The following GPC6 variants were observed in gnomAD, a reference collection of about 807,000 sequenced individuals.
The protein encoded by GPC6 is glypican-6.
GPC6 carries 14 observed loss-of-function variants against 55.2 expected under a neutral mutation model. The observed-to-expected ratio is 0.25, with a 90% CI of 0.17 to 0.40. The LOEUF (loss-of-function observed/expected upper bound fraction) is 0.40, where lower values mean the gene tolerates loss of function less well. Among genes scored for constraint, GPC6 ranks in the 10% least tolerant of loss-of-function variants. The probability of loss-of-function intolerance (pLI) is 1.00; values close to 1 mark genes in which losing one functional copy is unlikely to be tolerated. For synonymous variants in GPC6, 278 were observed against 259.6 expected (o/e 1.07, Z -0.68); for missense variants, 641 against 708.5 (o/e 0.90, Z 1.08).
chr13:94,110,944 T>G (rs1012979711), intron 4 of GPC6, among the ~76,000 whole-genome samples: 1 of 152,150 alleles, frequency 6.6e-6, no homozygotes, highest in Non-Finnish European at 1.5e-5. Flanking sequence ...GCTGACTTGT[T>G]CTCTGGAGCA....
At chr13:93,804,919 T>C (rs1246812488) in intron 2 of GPC6, among the ~76,000 whole-genome samples, 2 of 152,202 alleles carry the variant, frequency 1.3e-5, no homozygotes, top group Non-Finnish European at 2.9e-5. Context: ...CTAGCAGAGC[T>C]GTTATGAAGA....
rs369324149 is a variant in GPC6 at position 94,383,242 on chromosome 13, G to A, written c.1289+692G>A. On this transcript the variant is annotated intron_variant, in intron 7 of 8. Transcript: ENST00000377047. Reference sequence around the variant, plus strand: ...AGGACTGGTTGGGAGTTGGCAGGCAGGGCAGGACACGAGGACAGGAATCTG... The same window carrying A: ...AGGACTGGTTGGGAGTTGGCAGGCAAGGCAGGACACGAGGACAGGAATCTG... 4.9e-4 allele frequency among the ~76,000 whole-genome samples: 74 copies of A among 152,276 alleles called. 2 individuals are homozygous for A. The East Asian group carries it at 0.013, about 27-fold the overall frequency.
Position 94,214,195 on chromosome 13 carries a change from A to C in GPC6, c.878-72154A>C, listed in dbSNP as rs761377066. The stretch of plus-strand genomic sequence containing the variant: ...GCATTATCCCTGTTAAACCAAATTT[A>C]ATAGAACTTCAGTTGTTCTGTTCCA... On this transcript the variant is annotated intron_variant, in intron 4 of 8. Coordinates refer to ENST00000377047, the MANE Select transcript of GPC6 (RefSeq NM_005708.5). 4.6e-5 allele frequency among the ~76,000 whole-genome samples: 7 copies of C among 152,346 alleles called. No individual in the cohort carries two copies. The South Asian group carries it at 1.0e-3, about 23-fold the overall frequency.
intron 7 of GPC6, among the ~76,000 whole-genome samples, chr13:94,384,035 T>C (rs1016274506): frequency 3.3e-5 from 5 of 152,224 alleles, no homozygotes; most frequent in African/African-American, 1.2e-4. Flanking sequence ...TTATGGGGAT[T>C]GCAATTCAAG....
intron 1 of GPC6, among the ~76,000 whole-genome samples, chr13:93,381,859 A>G (rs1594131876): frequency 6.6e-6 from 1 of 152,140 alleles, no homozygotes; most frequent in Non-Finnish European, 1.5e-5. Context: ...ACCTAATGAC[A>G]CATACATGTT....
chr13:94,127,098 G>A (rs1468585947), intron 4 of GPC6, among the ~76,000 whole-genome samples: 3 of 151,922 alleles, frequency 2.0e-5, no homozygotes, highest in Non-Finnish European at 4.4e-5. Flanking sequence ...CAACTGAACT[G>A]AACATTGAAA....
At chr13:93,770,120 C>T (rs551646971) in intron 2 of GPC6, among the ~76,000 whole-genome samples, 27 of 152,128 alleles carry the variant, frequency 1.8e-4, no homozygotes, top group Non-Finnish European at 3.5e-4. Context: ...TGCTTTCCAT[C>T]TTTCCATCCT....
At chr13:93,225,845 G>T (rs1233788038), upstream of GPC6, among the ~76,000 whole-genome samples, 1 of 152,132 alleles carries the variant, frequency 6.6e-6, no homozygotes, top group Non-Finnish European at 1.5e-5. Flanking sequence ...TGAATAATGT[G>T]CTGACCTATG....
chr13:94,098,397 A>T (rs1885739187), intron 4 of GPC6, among the ~76,000 whole-genome samples: 1 of 152,204 alleles, frequency 6.6e-6, no homozygotes, highest in Admixed American at 6.5e-5. Flanking sequence ...GCAGAGAAAG[A>T]AGCAATGTAA....
intron 2 of GPC6, among the ~76,000 whole-genome samples, chr13:93,560,397 G>A (rs1210372413): frequency 1.3e-5 from 2 of 150,950 alleles, no homozygotes; most frequent in Non-Finnish European, 2.9e-5. Flanking sequence ...TGCCTGTCCT[G>A]TAGTCCCAGT....
chr13:93,792,647 A>C (rs1420238809), intron 2 of GPC6, among the ~76,000 whole-genome samples: 2 of 152,188 alleles, frequency 1.3e-5, no homozygotes, highest in African/African-American at 2.4e-5. Flanking sequence ...CCACATGCTA[A>C]GGGAGAATCA....
At chr13:93,345,540 CT>C (rs1227408052) in intron 1 of GPC6, among the ~76,000 whole-genome samples, 1 of 152,076 alleles carries the variant, frequency 6.6e-6, no homozygotes, top group Admixed American at 6.5e-5. Context: ...TGCACATACT[CT>C]TTCCCACATC....
At chr13:93,754,064 G>A (rs1024876696) in intron 2 of GPC6, among the ~76,000 whole-genome samples, 14 of 152,296 alleles carry the variant, frequency 9.2e-5, no homozygotes, top group African/African-American at 3.4e-4. Context: ...GGCAACCAGG[G>A]CTTCCTTGGA....
intron 2 of GPC6, among the ~76,000 whole-genome samples, chr13:93,805,291 G>A (rs1317507005): frequency 6.6e-6 from 1 of 151,996 alleles, no homozygotes; most frequent in African/African-American, 2.4e-5. Context: ...CACTTATATA[G>A]TACATATCCT....
At chr13:94,389,831 G>A (rs1218996307) in intron 7 of GPC6, among the ~76,000 whole-genome samples, 2 of 152,162 alleles carry the variant, frequency 1.3e-5, no homozygotes, top group East Asian at 1.9e-4. Flanking sequence ...GCTTTCTGAC[G>A]TTGCTCCTTG....
chr13:93,269,027 C>G (rs1391748854), intron 1 of GPC6, among the ~76,000 whole-genome samples: 1 of 151,976 alleles, frequency 6.6e-6, no homozygotes, highest in African/African-American at 2.4e-5. Context: ...CATACTCACA[C>G]TTAGTTGAAA....
intron 3 of GPC6, among the ~76,000 whole-genome samples, chr13:93,865,101 C>CT (rs1888921242): frequency 6.6e-6 from 1 of 151,544 alleles, no homozygotes; most frequent in Non-Finnish European, 1.5e-5. Context: ...AAACTAAAAT[C>CT]AGTCAGGGAG....
chr13:93,977,871 A>G (rs974589941), intron 3 of GPC6, among the ~76,000 whole-genome samples: 3 of 152,188 alleles, frequency 2.0e-5, no homozygotes, highest in South Asian at 2.1e-4. Context: ...AATATACACA[A>G]TTTACTATTT....
At chr13:93,554,893 A>G (rs1213279731) in intron 2 of GPC6, among the ~76,000 whole-genome samples, 1 of 152,226 alleles carries the variant, frequency 6.6e-6, no homozygotes, top group African/African-American at 2.4e-5. Context: ...TATTCTTGCA[A>G]AAGGTTTGCT....
Sources: gnomAD v4.1 joint callset for allele counts (sites outside exome capture counted in the v4.1 genomes callset) on GRCh38, gnomAD v4.1.1 for gene constraint, MANE v1.5 for transcripts, NCBI Gene and HGNC (gene_info 2026-07-23, HGNC 2026-07-21) for gene names.